The following HOOK1 variants were observed in gnomAD, a reference collection of about 807,000 sequenced individuals.
HOOK1 encodes protein Hook homolog 1.
Under a neutral mutation model 112.8 loss-of-function variants are expected in HOOK1, and 60 were observed. That is an observed-to-expected ratio of 0.53 (90% CI 0.43 to 0.66). The LOEUF (loss-of-function observed/expected upper bound fraction) is 0.66. Ranked by LOEUF, HOOK1 falls within the 30% of genes least tolerant of loss-of-function variation. The pLI, the probability that HOOK1 is intolerant of heterozygous loss-of-function variation, is 0.00. For missense variants in HOOK1, 770 were observed against 856.0 expected (o/e 0.90, Z 1.25); for synonymous variants, 294 against 283.8 (o/e 1.04, Z -0.36).
chr1:59,838,380 C>A (rs185537827), intron 7 of HOOK1, among the ~76,000 whole-genome samples: 1 of 152,080 alleles, frequency 6.6e-6, no homozygotes, highest in South Asian at 2.1e-4. Flanking sequence ...TTTTAATGTT[C>A]GCCATTCTAA....
intron 21 of HOOK1, among the ~76,000 whole-genome samples, chr1:59,871,315 A>C (rs1052949767): frequency 2.0e-5 from 3 of 152,222 alleles, no homozygotes; most frequent in Admixed American, 1.3e-4. Flanking sequence ...ATTCTAATCC[A>C]CTAACTTGAT....
intron 2 of HOOK1, among the ~76,000 whole-genome samples, chr1:59,827,271 G>T (rs2098390708): frequency 6.6e-6 from 1 of 152,046 alleles, no homozygotes; most frequent in Admixed American, 6.6e-5. Flanking sequence ...CATTATGGAG[G>T]GTAGTTTGCT....
intron 6 of HOOK1, among the ~76,000 whole-genome samples, chr1:59,836,206 C>G (rs963652061): frequency 2.6e-5 from 4 of 152,048 alleles, no homozygotes; most frequent in Non-Finnish European, 5.9e-5. Context: ...GTCTAGTTAT[C>G]TAAGTTGAGC....
At chr1:59,824,301 G>A (rs533952876) in intron 2 of HOOK1, among the ~76,000 whole-genome samples, 14 of 151,472 alleles carry the variant, frequency 9.2e-5, no homozygotes, top group East Asian at 1.9e-4. Context: ...TCCGCCTACC[G>A]GGTTCAAGTG....
chr1:59,831,607 T>C (rs1017639200), intron 3 of HOOK1, among the ~76,000 whole-genome samples: 5 of 152,202 alleles, frequency 3.3e-5, no homozygotes, highest in African/African-American at 4.8e-5. Flanking sequence ...AAATTCAAAC[T>C]GCCCAGGCCT....
intron 21 of HOOK1, among the ~76,000 whole-genome samples, chr1:59,872,515 A>G (rs1281595834): frequency 7.0e-6 from 1 of 143,030 alleles, no homozygotes; most frequent in Admixed American, 6.8e-5. Flanking sequence ...CCCAAACACA[A>G]AAATTTTTAT....
In HOOK1 at chr1:59,833,638, G is replaced by T. The variant is rs909963592; in HGVS notation, c.406+101G>T. On this transcript the variant is annotated intron_variant, in intron 5 of 21. Coordinates refer to ENST00000371208, the MANE Select transcript of HOOK1 (RefSeq NM_015888.6). The stretch of plus-strand genomic sequence containing the variant: ...TCATACTATTAAAGCTTGGCAGAAA[G>T]CACCCTGAAACGTAAACCAGAAGAT... 6 of 1,007,916 alleles carry T rather than the reference G, an allele frequency of 6.0e-6. No individual in the cohort carries two copies. In the African/African-American group the frequency reaches 9.9e-5, roughly 17 times the overall value. 62.4% of individuals were successfully genotyped at this position (1,007,916 alleles called of 1,614,324 possible). A position where few individuals can be genotyped will look rare whatever the true frequency, so the allele number is the denominator to read the frequency against.
chr1:59,831,283 T>C (rs910801302), intron 3 of HOOK1, among the ~76,000 whole-genome samples: 2 of 152,214 alleles, frequency 1.3e-5, no homozygotes, highest in Non-Finnish European at 2.9e-5. Flanking sequence ...ACTAAAGTTA[T>C]TCTTTCCTTT....
At chr1:59,838,455 G>A (rs2098399179) in intron 7 of HOOK1, among the ~76,000 whole-genome samples, 1 of 152,142 alleles carries the variant, frequency 6.6e-6, no homozygotes, top group Non-Finnish European at 1.5e-5. Flanking sequence ...GTGATGATGA[G>A]CATTTTTTCA....
At position 59,868,357 on chromosome 1, in the gene HOOK1, A is replaced by G; in HGVS notation, c.1947+6A>G. Reference sequence around the variant, plus strand: ...GAAGAATTGAGATTCTGGAGGTAAAACTTTTATATTTACTCATCTTTTAGT... The same window carrying G: ...GAAGAATTGAGATTCTGGAGGTAAAGCTTTTATATTTACTCATCTTTTAGT... On this transcript the variant is annotated splice_donor_region_variant and intron_variant, in intron 20 of 21. Coordinates refer to ENST00000371208, the MANE Select transcript of HOOK1 (RefSeq NM_015888.6). 1.4e-6 allele frequency: 2 copies of G among 1,478,216 alleles called. No homozygotes were observed. Among genetic ancestry groups the G allele is most frequent in the African/African-American group, 1.4e-5 (1 of 72,078 alleles). 91.6% of individuals were successfully genotyped at this position (1,478,216 alleles called of 1,614,324 possible).
At chr1:59,816,410 C>T (rs1034913781) in intron 1 of HOOK1, among the ~76,000 whole-genome samples, 9 of 152,088 alleles carry the variant, frequency 5.9e-5, no homozygotes, top group Non-Finnish European at 1.3e-4. Context: ...TTAAGACTGT[C>T]GTAGAAACAA....
At position 59,848,306 on chromosome 1, in the gene HOOK1, T is replaced by C; in HGVS notation, c.930-9T>C. The stretch of plus-strand genomic sequence containing the variant: ...TTTGTACAGTAATGCTTAGTCTTTA[T>C]GATTATAGGGCTACCTCTGATAAAG... On this transcript the variant is annotated splice_polypyrimidine_tract_variant and intron_variant, in intron 10 of 21. Coordinates refer to ENST00000371208, the MANE Select transcript of HOOK1 (RefSeq NM_015888.6). 6.2e-7 allele frequency: 1 copy of C among 1,602,236 alleles called. No homozygotes were observed. The highest frequency in any genetic ancestry group is 1.1e-5 in the South Asian group (1 of 90,618).
chr1:59,842,708 A>T (rs2098401631), intron 8 of HOOK1, among the ~76,000 whole-genome samples: 1 of 152,190 alleles, frequency 6.6e-6, no homozygotes, highest in Admixed American at 6.6e-5. Flanking sequence ...AATCATATGT[A>T]AAAGTTCTGG....
intron 8 of HOOK1, among the ~76,000 whole-genome samples, chr1:59,842,108 AT>A (rs2098401324): frequency 6.6e-6 from 1 of 152,062 alleles, no homozygotes; most frequent in Non-Finnish European, 1.5e-5. Flanking sequence ...CCTTGGTCCT[AT>A]TCGTTTTTAG....
chr1:59,832,110 C>CT, intron 3 of HOOK1, 53 bp from the exon 4 acceptor site: 1 of 1,041,772 alleles, frequency 9.6e-7, no homozygotes. Flanking sequence ...GCTGACATAA[C>CT]TTTTCTTTCA....
intron 1 of HOOK1, among the ~76,000 whole-genome samples, chr1:59,821,492 C>T (rs991382270): frequency 7.2e-5 from 11 of 152,146 alleles, no homozygotes; most frequent in Non-Finnish European, 1.6e-4. Context: ...TTTTAAGTTG[C>T]AAATGTTGGG....
intron 20 of HOOK1, among the ~76,000 whole-genome samples, chr1:59,869,873 C>G (rs539352031): frequency 6.6e-6 from 1 of 152,326 alleles, no homozygotes; most frequent in East Asian, 1.9e-4. Context: ...ACTCTCCACA[C>G]TGAGTCCATG....
At position 59,833,006 on chromosome 1, in the gene HOOK1, C is replaced by A. The variant is rs78625078; in HGVS notation, c.274-399C>A. Among the ~76,000 whole-genome samples, 680 of 152,110 alleles carry A rather than the reference C, an allele frequency of 4.5e-3. 3 individuals are homozygous for A. The highest frequency in any genetic ancestry group is 0.016 in the African/African-American group (649 of 41,516). On this transcript the variant is annotated intron_variant, in intron 4 of 21. Transcript: ENST00000371208. The stretch of plus-strand genomic sequence containing the variant: ...GATTTGTTGCTCATTTGTAAAAGTA[C>A]AGTGATTTACATTGTGTTTCTCTGT...
intron 2 of HOOK1, among the ~76,000 whole-genome samples, chr1:59,826,054 A>C (rs1292584274): frequency 6.6e-6 from 1 of 152,212 alleles, no homozygotes; most frequent in Non-Finnish European, 1.5e-5. Context: ...CATTGAAGTG[A>C]CACAACTATA....
Sources: allele counts gnomAD v4.1 joint callset (sites outside exome capture counted in the v4.1 genomes callset), GRCh38; gene constraint gnomAD v4.1.1; transcripts MANE v1.5; gene names NCBI Gene and HGNC (gene_info 2026-07-23, HGNC 2026-07-21).